WDR59: variants seen among roughly 807,000 people sequenced by gnomAD.
WDR59 encodes the protein WD repeat domain 59, also known as GATOR2 complex protein WDR59.
WDR59 carries 100 observed loss-of-function variants against 131.2 expected under a neutral mutation model. The ratio of observed to expected loss-of-function variants is 0.76; its 90% CI spans 0.65 to 0.90. The LOEUF (loss-of-function observed/expected upper bound fraction) is 0.90, where lower values mean the gene tolerates loss of function less well. WDR59 is among the 40% of genes least tolerant of loss of function. WDR59 has a pLI of 0.00. For synonymous variants in WDR59, 601 were observed against 466.2 expected, an observed-to-expected ratio of 1.29 and a Z score of -3.72; for missense variants, 1,203 against 1,262.2, an observed-to-expected ratio of 0.95 and a Z score of 0.71.
At chr16:74,973,919 T>A (rs974828318) in intron 1 of WDR59, among the ~76,000 whole-genome samples, 1 of 151,448 alleles carries the variant, frequency 6.6e-6, no homozygotes, top group East Asian at 1.9e-4. Context: ...CCTGTAATCC[T>A]AGCACTTTGG....
Position 74,928,301 on chromosome 16 carries a change from C to A in WDR59, c.652-4298G>T, listed in dbSNP as rs139599273. Among the ~76,000 whole-genome samples, 14 of 150,258 alleles carry A rather than the reference C, an allele frequency of 9.3e-5. No homozygotes were observed. In the East Asian group the frequency reaches 2.8e-3, roughly 30 times the overall value. ...GGATTATGGCTCACTGTAGCCTTGA[C>A]CTCCCCAGTTCAAGTGATCTTCCTG... On this transcript the variant is annotated intron_variant, in intron 8 of 25. Coordinates refer to ENST00000262144, the MANE Select transcript of WDR59 (RefSeq NM_030581.4).
chr16:74,886,081 G>T, intron 24 of WDR59, 189 bp downstream of exon 24: 1 of 758,636 alleles, frequency 1.3e-6, no homozygotes, highest in Non-Finnish European at 2.0e-6. Context: ...AGGAGGCTGA[G>T]GCAGGAGAAT....
chr16:74,915,444 T>A (rs980340972), intron 13 of WDR59: 5 of 152,246 alleles, frequency 3.3e-5, no homozygotes, highest in Admixed American at 1.3e-4. Flanking sequence ...TATTTATTTT[T>A]TTTGAGACAG....
At chr16:74,964,708 G>C (rs1161329518) in intron 2 of WDR59, among the ~76,000 whole-genome samples, 1 of 152,002 alleles carries the variant, frequency 6.6e-6, no homozygotes, top group East Asian at 1.9e-4. Context: ...TAGAGGTAAG[G>C]ACTGTACTCG....
chr16:74,892,470 G>A lies in WDR59; in HGVS notation c.2082+14C>T, dbSNP rs1435258040. The A allele has an allele frequency of 1.2e-6, 2 of 1,609,124 alleles. No individual in the cohort carries two copies. The highest frequency in any genetic ancestry group is 1.7e-5 in the Admixed American group (1 of 59,436). ...AGAAAAATCCAAATCTCCACCAAAAGGGATGGACAATACCTGGACAAGATC... is the reference window on the plus strand; with the variant it reads ...AGAAAAATCCAAATCTCCACCAAAAAGGATGGACAATACCTGGACAAGATC... On this transcript the variant is annotated intron_variant, in intron 20 of 25. Transcript: ENST00000262144.
At chr16:74,887,385 G>C (rs932909660) in intron 23 of WDR59, among the ~76,000 whole-genome samples, 3 of 152,246 alleles carry the variant, frequency 2.0e-5, no homozygotes, top group Admixed American at 1.3e-4. Flanking sequence ...CATGGAAAGA[G>C]CATGTGAAGG....
At chr16:74,984,877 T>C in intron 1 of WDR59, 87 bp downstream of exon 1, 2 of 1,543,250 alleles carry the variant, frequency 1.3e-6, no homozygotes, top group East Asian at 2.4e-5. Flanking sequence ...GGTCTCCCCG[T>C]AGCCCCCCGG....
chr16:74,976,655 A>C (rs1283043921), intron 1 of WDR59, among the ~76,000 whole-genome samples: 1 of 152,018 alleles, frequency 6.6e-6, no homozygotes, highest in Non-Finnish European at 1.5e-5. Flanking sequence ...GTTAGCCAGG[A>C]TGGTCTCGAT....
chr16:74,917,296 C>T (rs1367801187), intron 11 of WDR59, among the ~76,000 whole-genome samples: 1 of 152,182 alleles, frequency 6.6e-6, no homozygotes, highest in Non-Finnish European at 1.5e-5. Context: ...TTGCAGCGTA[C>T]AAGGGTAGGC....
intron 1 of WDR59, among the ~76,000 whole-genome samples, chr16:74,984,141 G>A (rs1396965939): frequency 1.3e-5 from 2 of 151,980 alleles, no homozygotes; most frequent in African/African-American, 2.4e-5. Flanking sequence ...GCCGGGCGTG[G>A]TGGTGCGCAC....
rs182762992 is a variant in WDR59, at chr16:74,881,819, C to T, written c.2689+3834G>A. On this transcript the variant is annotated intron_variant, in intron 25 of 25. Coordinates refer to ENST00000262144, the MANE Select transcript of WDR59 (RefSeq NM_030581.4). Reference sequence around the variant, plus strand: ...ACCAAGGAGGGGGAGGTTGCAGTGACCTGAGATTGTTCCATTGCACTCCAG... The same window carrying T: ...ACCAAGGAGGGGGAGGTTGCAGTGATCTGAGATTGTTCCATTGCACTCCAG... Among the ~76,000 whole-genome samples, 1,072 of 149,490 alleles carry T rather than the reference C, an allele frequency of 7.2e-3. 7 individuals are homozygous for T. Among genetic ancestry groups the T allele is most frequent in the Non-Finnish European group, 0.012 (824 of 67,530 alleles).
At chr16:74,950,961 G>C (rs2032958571) in intron 4 of WDR59, among the ~76,000 whole-genome samples, 1 of 148,630 alleles carries the variant, frequency 6.7e-6, no homozygotes, top group African/African-American at 2.5e-5. Flanking sequence ...TTCAAGACCA[G>C]CCTGGCCAAC....
intron 25 of WDR59, among the ~76,000 whole-genome samples, chr16:74,881,969 T>C (rs891068876): frequency 1.3e-5 from 2 of 152,232 alleles, no homozygotes; most frequent in African/African-American, 4.8e-5. Flanking sequence ...TGCCCTGCTT[T>C]ATAAATCTTG....
intron 3 of WDR59, among the ~76,000 whole-genome samples, chr16:74,952,271 T>A: frequency 6.6e-6 from 1 of 150,834 alleles, no homozygotes. Flanking sequence ...CCAGATCGCA[T>A]CTCTACAAAA....
intron 6 of WDR59, among the ~76,000 whole-genome samples, chr16:74,947,523 T>C (rs2032723218): frequency 6.6e-6 from 1 of 152,118 alleles, no homozygotes; most frequent in Admixed American, 6.6e-5. Flanking sequence ...CTTAAAAAGA[T>C]GAGAAATATA....
chr16:74,925,865 C>G (rs973419443), intron 8 of WDR59, among the ~76,000 whole-genome samples: 5 of 151,886 alleles, frequency 3.3e-5, no homozygotes, highest in Non-Finnish European at 7.4e-5. Flanking sequence ...CCTGTCTCCT[C>G]ACCTAGCTGA....
rs1251866164 is a variant in WDR59, at chr16:74,968,171, T to C, written c.55-2349A>G. Among the ~76,000 whole-genome samples, 9 of 152,084 alleles carry C rather than the reference T, an allele frequency of 5.9e-5. No homozygotes were observed. The South Asian group carries it at 1.2e-3, about 21-fold the overall frequency. ...AGTTACTGTTTAATGGGTACAGAGCTCCTATTTGGGATGATGAAAATTTAG... is the reference window on the plus strand; with the variant it reads ...AGTTACTGTTTAATGGGTACAGAGCCCCTATTTGGGATGATGAAAATTTAG... On this transcript the variant is annotated intron_variant, in intron 1 of 25. Transcript: ENST00000262144.
At chr16:74,907,945 C>T (rs9936420) in intron 17 of WDR59, among the ~76,000 whole-genome samples, 151,688 of 152,332 alleles carry the variant, frequency 1, 75,527 homozygotes, top group Middle Eastern at 1. Context: ...GGGCCAAAAT[C>T]TGGATCTGGG....
In WDR59 at chr16:74,916,168, T is replaced by C. The variant is rs765585869; in HGVS notation, c.1058A>G (p.Asp353Gly). The C allele has an allele frequency of 2.5e-6, 4 of 1,614,072 alleles. No homozygotes were observed. The highest frequency in any genetic ancestry group is 2.5e-6 in the Non-Finnish European group (3 of 1,180,034). Residue 353 changes from aspartate (D) to glycine (G), a missense_variant, in exon 12 of 26, where the codon GAT (aspartate) becomes GGT (glycine). Coordinates refer to ENST00000262144, the MANE Select transcript of WDR59 (RefSeq NM_030581.4). ...PEPEKTLHTE[D>G]TDHQHTASHG... ...GCTTGCAGTGTGCTGGTGATCTGTA[T>C]CTTCAGTGTGCAGGGTCTTCTCAGG...
Sources: allele counts gnomAD v4.1 joint callset (sites outside exome capture counted in the v4.1 genomes callset), GRCh38; gene constraint gnomAD v4.1.1; transcripts MANE v1.5; gene names NCBI Gene and HGNC (gene_info 2026-07-23, HGNC 2026-07-21).